FBXL7: variants seen among roughly 807,000 people sequenced by gnomAD.
The protein encoded by FBXL7 is F-box and leucine rich repeat protein 7.
In FBXL7, 12 loss-of-function variants were observed where a neutral mutation model predicts 38.3. The observed-to-expected ratio is 0.31, with a 90% confidence interval of 0.20 to 0.51. The LOEUF (loss-of-function observed/expected upper bound fraction) is 0.51, where lower values mean the gene tolerates loss of function less well. Ranked by LOEUF, FBXL7 falls within the 20% of genes least tolerant of loss-of-function variation. The probability of loss-of-function intolerance (pLI) is 0.98; values close to 1 mark genes in which losing one functional copy is unlikely to be tolerated. For synonymous variants in FBXL7, 297 were observed against 300.9 expected, an observed-to-expected ratio of 0.99 and a Z score of 0.13; for missense variants, 567 against 676.4, an observed-to-expected ratio of 0.84 and a Z score of 1.79.
intron 1 of FBXL7, among the ~76,000 whole-genome samples, chr5:15,558,196 G>C (rs553314150): frequency 5.8e-4 from 88 of 152,208 alleles, no homozygotes; most frequent in South Asian, 3.9e-3. Flanking sequence ...AAATACAAAG[G>C]AAAAGAAATC....
In FBXL7 at chr5:15,640,532, G is replaced by GTTT. The variant is rs34462817; in HGVS notation, c.127+24469_127+24471dup. Among the ~76,000 whole-genome samples, 88 of 143,872 alleles carry GTTT rather than the reference G, an allele frequency of 6.1e-4. 1 individual carries two copies. Among genetic ancestry groups the GTTT allele is most frequent in the African/African-American group, 2.2e-3 (85 of 39,156 alleles). The allele number at this position is 143,872 out of a possible 152,430, so 94.4% of individuals were successfully genotyped here. On this transcript the variant is annotated intron_variant, in intron 2 of 3. Transcript: ENST00000504595. ...GGGGGTTAGGGCTTTGTTTTTTTTT[G>GTTT]TTTTTTTTTTTGAGGGAGTCTTGCT... is the stretch of plus-strand genomic sequence containing the variant.
chr5:15,662,100 T>C (rs890361146), intron 2 of FBXL7, among the ~76,000 whole-genome samples: 8 of 152,172 alleles, frequency 5.3e-5, no homozygotes, highest in African/African-American at 9.6e-5. Flanking sequence ...AATCGCCATA[T>C]TGCTTTCCTT....
chr5:15,679,828 C>T (rs1222844553), intron 2 of FBXL7, among the ~76,000 whole-genome samples: 1 of 152,130 alleles, frequency 6.6e-6, no homozygotes, highest in Non-Finnish European at 1.5e-5. Context: ...TAGTCAATCA[C>T]ATCTAACAAT....
intron 1 of FBXL7, among the ~76,000 whole-genome samples, chr5:15,571,126 A>C (rs1738767500): frequency 6.6e-6 from 1 of 151,648 alleles, no homozygotes; most frequent in Admixed American, 6.6e-5. Context: ...AAGAAACTTT[A>C]AAATGTCAAT....
At chr5:15,780,938 G>A (rs1271695393) in intron 2 of FBXL7, among the ~76,000 whole-genome samples, 2 of 152,126 alleles carry the variant, frequency 1.3e-5, no homozygotes, top group African/African-American at 2.4e-5. Flanking sequence ...AAGAGGAGGA[G>A]AACTCTGATT....
At chr5:15,631,511 C>T (rs1172481534) in intron 2 of FBXL7, among the ~76,000 whole-genome samples, 1 of 151,774 alleles carries the variant, frequency 6.6e-6, no homozygotes, top group Admixed American at 6.6e-5. Flanking sequence ...GACTGACCAA[C>T]ATGGTGAAAC....
At chr5:15,848,679 C>G (rs557680640) in intron 2 of FBXL7, among the ~76,000 whole-genome samples, 3 of 152,116 alleles carry the variant, frequency 2.0e-5, no homozygotes, top group African/African-American at 7.2e-5. Context: ...CATCCCCGGC[C>G]GCATGTTTAA....
chr5:15,929,664 C>A (rs1174153842), intron 3 of FBXL7, among the ~76,000 whole-genome samples: 4 of 151,810 alleles, frequency 2.6e-5, no homozygotes, highest in Non-Finnish European at 5.9e-5. Flanking sequence ...GAAGGAAATC[C>A]CAGCATGGCT....
intron 2 of FBXL7, among the ~76,000 whole-genome samples, chr5:15,893,720 A>G (rs1741004086): frequency 6.6e-6 from 1 of 152,222 alleles, no homozygotes; most frequent in South Asian, 2.1e-4. Context: ...GAGTTATCCA[A>G]TTGTGATCAA....
intron 1 of FBXL7, among the ~76,000 whole-genome samples, chr5:15,552,350 C>T (rs1371176265): frequency 1.3e-5 from 2 of 152,202 alleles, no homozygotes; most frequent in Non-Finnish European, 2.9e-5. Flanking sequence ...GACCACTGGA[C>T]ACCCTTTTCT....
At chr5:15,802,351 G>A (rs940024756) in intron 2 of FBXL7, among the ~76,000 whole-genome samples, 2 of 151,986 alleles carry the variant, frequency 1.3e-5, no homozygotes, top group African/African-American at 4.8e-5. Context: ...TCTCTGCATG[G>A]CCAAGTAGGG....
intron 1 of FBXL7, among the ~76,000 whole-genome samples, chr5:15,578,872 A>G (rs554967274): frequency 7.9e-4 from 120 of 152,362 alleles, no homozygotes; most frequent in African/African-American, 2.8e-3. Flanking sequence ...GTGTTTATAT[A>G]TGGTTTTGTC....
chr5:15,929,625 GAAAAAAAAAAAAA>G (rs60269538), intron 3 of FBXL7, among the ~76,000 whole-genome samples: 29 of 113,548 alleles, frequency 2.6e-4, no homozygotes, highest in African/African-American at 8.4e-4. Context: ...CCCTGTCTCT[GAAAAAAAAAAAAA>G]AAAAAAAGAA....
At chr5:15,739,031 G>A (rs1735828005) in intron 2 of FBXL7, among the ~76,000 whole-genome samples, 1 of 152,180 alleles carries the variant, frequency 6.6e-6, no homozygotes, top group Admixed American at 6.5e-5. Flanking sequence ...ATGATATGAG[G>A]TGTCCATTTG....
intron 1 of FBXL7, among the ~76,000 whole-genome samples, chr5:15,557,706 G>A (rs1420025317): frequency 6.6e-6 from 1 of 152,176 alleles, no homozygotes; most frequent in Non-Finnish European, 1.5e-5. Context: ...TCAGCCTAGT[G>A]GAGCAGGCTC....
intron 2 of FBXL7, among the ~76,000 whole-genome samples, chr5:15,857,779 T>C (rs1561155002): frequency 1.3e-5 from 2 of 152,356 alleles, no homozygotes; most frequent in East Asian, 3.9e-4. Context: ...ATAGATGATT[T>C]ATTTTTTCCT....
chr5:15,920,275 T>G (rs1741705136), intron 2 of FBXL7, among the ~76,000 whole-genome samples: 1 of 151,976 alleles, frequency 6.6e-6, no homozygotes, highest in Non-Finnish European at 1.5e-5. Context: ...AAAAATTGCT[T>G]TATAATCTAG....
chr5:15,730,839 T>G (rs1347862552), intron 2 of FBXL7, among the ~76,000 whole-genome samples: 2 of 152,240 alleles, frequency 1.3e-5, no homozygotes, highest in East Asian at 3.8e-4. Context: ...TTATAAAATA[T>G]TGTTATCATG....
At chr5:15,903,745 A>G (rs1741287371) in intron 2 of FBXL7, among the ~76,000 whole-genome samples, 1 of 152,170 alleles carries the variant, frequency 6.6e-6, no homozygotes, top group Non-Finnish European at 1.5e-5. Context: ...TTATTTGTCA[A>G]CTTAAGAATT....
Sources: gnomAD v4.1 joint callset for allele counts (sites outside exome capture counted in the v4.1 genomes callset) on GRCh38, gnomAD v4.1.1 for gene constraint, MANE v1.5 for transcripts, NCBI Gene and HGNC (gene_info 2026-07-23, HGNC 2026-07-21) for gene names.